The following CALCRL variants were observed in gnomAD, a reference collection of about 807,000 sequenced individuals.
CALCRL encodes calcitonin gene-related peptide type 1 receptor.
A neutral mutation model predicts 60.4 loss-of-function variants in CALCRL; 27 were observed. The ratio of observed to expected loss-of-function variants is 0.45; its 90% CI spans 0.33 to 0.62. The LOEUF is 0.62. CALCRL is among the 20% of genes least tolerant of loss of function. The pLI, the probability that CALCRL is intolerant of heterozygous loss-of-function variation, is 0.03. For synonymous variants in CALCRL, 190 were observed against 182.6 expected, an observed-to-expected ratio of 1.04 and a Z score of -0.33; for missense variants, 424 against 540.7, an observed-to-expected ratio of 0.78 and a Z score of 2.14.
At chr2:187,361,487 C>T (rs1434006182) in intron 9 of CALCRL, among the ~76,000 whole-genome samples, 1 of 151,906 alleles carries the variant, frequency 6.6e-6, no homozygotes, top group East Asian at 1.9e-4. Flanking sequence ...CTATTGGCTC[C>T]AGTTTCTAGT....
chr2:187,387,678 C>T lies in CALCRL; in HGVS notation c.-214G>A. On this transcript the variant is annotated 5_prime_UTR_variant, in exon 2 of 15. Transcript: ENST00000392370. ...TCCCAATACTTACATGCACAATTGTCTCCAGTCTCAAATCACATTTTCTCT... is the reference window on the plus strand; with the variant it reads ...TCCCAATACTTACATGCACAATTGTTTCCAGTCTCAAATCACATTTTCTCT... 2.5e-6 allele frequency: 1 copy of T among 396,996 alleles called. No individual in the cohort carries two copies. Among genetic ancestry groups the T allele is most frequent in the Non-Finnish European group, 4.4e-6 (1 of 225,120 alleles). The allele number at this position is 396,996 out of a possible 1,614,324, so 24.6% of individuals were successfully genotyped here.
chr2:187,426,962 C>T (rs1467470627), intron 1 of CALCRL, among the ~76,000 whole-genome samples: 3 of 152,136 alleles, frequency 2.0e-5, no homozygotes, highest in Admixed American at 2.0e-4. Flanking sequence ...GGGAAGCTCA[C>T]ATGTCCTTTT....
At chr2:187,434,183 T>C (rs1425774351) in intron 1 of CALCRL, among the ~76,000 whole-genome samples, 3 of 152,098 alleles carry the variant, frequency 2.0e-5, no homozygotes, top group East Asian at 1.9e-4. Flanking sequence ...TCATGAGAAA[T>C]GTTATTCATA....
In CALCRL at chr2:187,368,578, T is replaced by G. The variant is rs571104250; in HGVS notation, c.501-5076A>C. On this transcript the variant is annotated intron_variant, in intron 8 of 14. Coordinates refer to ENST00000392370, the MANE Select transcript of CALCRL (RefSeq NM_005795.6). ...AATATTATAGTACTTCATCTTCAAA[T>G]TTCTGCCACTAGTATGGACAATAAC... Among the ~76,000 whole-genome samples, 43 of 152,218 alleles carry G rather than the reference T, an allele frequency of 2.8e-4. No homozygotes were observed. In the South Asian group the frequency reaches 8.1e-3, roughly 29 times the overall value.
intron 3 of CALCRL, 127 bp from the exon 4 acceptor site, chr2:187,385,758 A>C (rs1456002625): frequency 3.2e-6 from 2 of 624,426 alleles, no homozygotes; most frequent in Non-Finnish European, 5.5e-6. Flanking sequence ...GATTTGATAA[A>C]TCATTTTTTT....
chr2:187,411,595 T>G (rs953632944), intron 1 of CALCRL, among the ~76,000 whole-genome samples: 6 of 152,194 alleles, frequency 3.9e-5, no homozygotes, highest in African/African-American at 1.4e-4. Flanking sequence ...TGCTAAGATG[T>G]AGAATCGGTG....
intron 8 of CALCRL, among the ~76,000 whole-genome samples, chr2:187,371,862 A>G (rs551861263): frequency 6.6e-6 from 1 of 152,252 alleles, no homozygotes; most frequent in African/African-American, 2.4e-5. Context: ...AGGTCACAAT[A>G]TTGGTTAAAT....
intron 8 of CALCRL, among the ~76,000 whole-genome samples, chr2:187,372,321 T>TA (rs545917672): frequency 7.0e-4 from 107 of 151,802 alleles, no homozygotes; most frequent in African/African-American, 1.5e-3. Flanking sequence ...AGAGTTTATT[T>TA]TTTTTTTTTA....
intron 1 of CALCRL, among the ~76,000 whole-genome samples, chr2:187,434,669 G>A (rs1260878149): frequency 6.6e-6 from 1 of 152,080 alleles, no homozygotes; most frequent in Non-Finnish European, 1.5e-5. Context: ...TAGCCTCATT[G>A]TTTGTAATAT....
At chr2:187,433,401 T>G (rs1466137719) in intron 1 of CALCRL, among the ~76,000 whole-genome samples, 1 of 152,088 alleles carries the variant, frequency 6.6e-6, no homozygotes, top group Non-Finnish European at 1.5e-5. Context: ...TTAATAAACA[T>G]GTTGCATATA....
At chr2:187,437,396 G>A (rs931596546) in intron 1 of CALCRL, among the ~76,000 whole-genome samples, 1 of 152,042 alleles carries the variant, frequency 6.6e-6, no homozygotes, top group Non-Finnish European at 1.5e-5. Flanking sequence ...CAAAAAATTA[G>A]CCGGGCGTGA....
chr2:187,398,394 A>G lies in CALCRL; in HGVS notation c.-292-10638T>C, dbSNP rs546985972. Among the ~76,000 whole-genome samples the G allele has an allele frequency of 2.8e-4, 43 of 151,774 alleles. No homozygotes were observed. In the South Asian group the frequency reaches 8.1e-3, roughly 29 times the overall value. On this transcript the variant is annotated intron_variant, in intron 1 of 14. Transcript: ENST00000392370. The stretch of plus-strand genomic sequence containing the variant: ...TGCATACCAGTCCATAAGCAAAATT[A>G]TGATATTCTTGTTACATTGAGCTTT...
intron 8 of CALCRL, among the ~76,000 whole-genome samples, chr2:187,364,455 A>G (rs557625924): frequency 1.3e-5 from 2 of 152,020 alleles, no homozygotes; most frequent in Non-Finnish European, 2.9e-5. Context: ...AAAAAATTTC[A>G]TGATGTGTGT....
At chr2:187,417,683 A>G (rs577589133) in intron 1 of CALCRL, among the ~76,000 whole-genome samples, 1 of 152,264 alleles carries the variant, frequency 6.6e-6, no homozygotes, top group African/African-American at 2.4e-5. Flanking sequence ...ACATTATTAA[A>G]GCTATTTAAA....
At chr2:187,392,274 G>A (rs946153465) in intron 1 of CALCRL, among the ~76,000 whole-genome samples, 6 of 151,914 alleles carry the variant, frequency 3.9e-5, no homozygotes, top group Non-Finnish European at 5.9e-5. Flanking sequence ...AAATAACTTC[G>A]ATTTTTACAG....
intron 8 of CALCRL, among the ~76,000 whole-genome samples, chr2:187,374,555 C>T (rs1687665335): frequency 1.3e-5 from 2 of 152,236 alleles, no homozygotes; most frequent in Admixed American, 1.3e-4. Flanking sequence ...AGAGTATCAC[C>T]TCAGGAATCT....
At chr2:187,379,734 T>G (rs1687911365) in intron 7 of CALCRL, among the ~76,000 whole-genome samples, 1 of 152,184 alleles carries the variant, frequency 6.6e-6, no homozygotes, top group Non-Finnish European at 1.5e-5. Flanking sequence ...TTCCCTTGTG[T>G]TAAATCAATC....
Position 187,346,393 on chromosome 2 carries a change from C to G in CALCRL, c.1177G>C (p.Ala393Pro). Residue 393 changes from alanine to proline, a missense_variant, in exon 15 of 15, where the codon GCA becomes CCA. By Grantham distance (27) the Ala-to-Pro change is conservative (BLOSUM62 -1). This residue lies in a region of CALCRL where 222 missense variants were observed against 265.6 expected (regional missense o/e 0.84). Coordinates refer to ENST00000392370, the MANE Select transcript of CALCRL (RefSeq NM_005795.6). ...IFCFFNGEVQ[A>P]ILRRNWNQYK... ...TGATTCCAGTTTCTTCTCAGAATTG[C>G]TTGAACCTATCAATCAAAAGGAAAA... is the stretch of plus-strand genomic sequence containing the variant. 6.2e-7 allele frequency: 1 copy of G among 1,606,134 alleles called. No homozygotes were observed. The highest frequency in any genetic ancestry group is 8.5e-7 in the Non-Finnish European group (1 of 1,174,890).
chr2:187,346,390 T>C lies in CALCRL; in HGVS notation c.1180A>G (p.Ile394Val). The C allele has an allele frequency of 6.2e-7, 1 of 1,608,912 alleles. No homozygotes were observed. ...FCFFNGEVQA[I>V]LRRNWNQYKI... ...TATTGATTCCAGTTTCTTCTCAGAATTGCTTGAACCTATCAATCAAAAGGA... is the reference window on the plus strand; with the variant it reads ...TATTGATTCCAGTTTCTTCTCAGAACTGCTTGAACCTATCAATCAAAAGGA... The change falls in exon 15 of 15, where the codon ATT becomes GTT. Residue 394 changes from isoleucine (I) to valine (V), a missense_variant. By Grantham distance (29) the Ile-to-Val change is conservative. Transcript: ENST00000392370.
Sources: gnomAD v4.1 joint callset for allele counts (sites outside exome capture counted in the v4.1 genomes callset) on GRCh38, gnomAD v4.1.1 for gene constraint, gnomAD v4.1.1 regional missense constraint, MANE v1.5 for transcripts, NCBI Gene and HGNC (gene_info 2026-07-23, HGNC 2026-07-21) for gene names.